NFATC2: variants seen among roughly 807,000 people sequenced by gnomAD.
The protein encoded by NFATC2 is nuclear factor of activated T-cells, cytoplasmic 2.
In NFATC2, 22 loss-of-function variants were observed where a neutral mutation model predicts 87.3. The observed-to-expected ratio is 0.25, with a 90% CI of 0.18 to 0.36. The LOEUF is 0.36. NFATC2 is among the 10% of genes least tolerant of loss of function. NFATC2 has a pLI of 1.00. For missense variants in NFATC2, 1,149 were observed against 1,259.1 expected (o/e 0.91, Z 1.32); for synonymous variants, 565 against 542.2 (o/e 1.04, Z -0.58).
chr20:51,538,784 C>G lies in NFATC2; in HGVS notation c.130+3586G>C, dbSNP rs535507086. ...TAACCTATTCAAGGCAGGTAACGGT[C>G]CTATGAGGCAAGTGGTATTATTTCA... On this transcript the variant is annotated intron_variant, in intron 1 of 10. Transcript: ENST00000371564. 2.6e-5 allele frequency among the ~76,000 whole-genome samples: 4 copies of G among 152,252 alleles called. No individual in the cohort carries two copies. The South Asian group carries it at 8.3e-4, about 32-fold the overall frequency.
chr20:51,548,079 T>C (rs940653213), intron 1 of NFATC2, among the ~76,000 whole-genome samples: 4 of 152,174 alleles, frequency 2.6e-5, no homozygotes, highest in African/African-American at 9.7e-5. Flanking sequence ...CTACGTAAGC[T>C]ACGTCCCACC....
intron 3 of NFATC2, among the ~76,000 whole-genome samples, chr20:51,497,895 G>T (rs1450835266): frequency 6.6e-6 from 1 of 152,030 alleles, no homozygotes; most frequent in Non-Finnish European, 1.5e-5. Flanking sequence ...GCCCCCGGGG[G>T]AACTCAGAGC....
At chr20:51,396,968 A>T (rs937760541) in intron 10 of NFATC2, among the ~76,000 whole-genome samples, 1 of 151,920 alleles carries the variant, frequency 6.6e-6, no homozygotes, top group African/African-American at 2.4e-5. Context: ...GCTGGAGTGC[A>T]GTGGCGCCAT....
At chr20:51,533,143 C>T (rs1301378056) in intron 1 of NFATC2, among the ~76,000 whole-genome samples, 1 of 152,238 alleles carries the variant, frequency 6.6e-6, no homozygotes, top group Non-Finnish European at 1.5e-5. Context: ...AGAGGCAAAC[C>T]TCGCCTCCTG....
intron 3 of NFATC2, among the ~76,000 whole-genome samples, chr20:51,503,455 G>A (rs2076123955): frequency 6.6e-6 from 1 of 152,218 alleles, no homozygotes; most frequent in African/African-American, 2.4e-5. Flanking sequence ...AACTCAGGCT[G>A]GAGGGCAAGG....
chr20:51,501,347 T>C (rs1009421416), intron 3 of NFATC2, among the ~76,000 whole-genome samples: 2 of 152,158 alleles, frequency 1.3e-5, no homozygotes, highest in African/African-American at 4.8e-5. Flanking sequence ...CTACATTCCA[T>C]GGTCTTATAA....
At chr20:51,487,498 T>TA (rs1989813510) in intron 3 of NFATC2, among the ~76,000 whole-genome samples, 1 of 152,012 alleles carries the variant, frequency 6.6e-6, no homozygotes, top group Non-Finnish European at 1.5e-5. Flanking sequence ...AAAATAAAAT[T>TA]AAATTAAAAA....
intron 6 of NFATC2, 92 bp downstream of exon 6, chr20:51,454,456 C>G (rs1291936601): frequency 7.1e-7 from 1 of 1,415,250 alleles, no homozygotes; most frequent in East Asian, 2.3e-5. Flanking sequence ...ACGGTGGGAT[C>G]TACCCCCCAA....
intron 1 of NFATC2, among the ~76,000 whole-genome samples, chr20:51,531,338 G>C (rs1196523384): frequency 6.6e-6 from 1 of 152,222 alleles, no homozygotes; most frequent in Non-Finnish European, 1.5e-5. Context: ...CTCAGCCCTG[G>C]CAGGTGACGC....
intron 1 of NFATC2, among the ~76,000 whole-genome samples, chr20:51,540,656 T>TG (rs1555818292): frequency 5.3e-5 from 7 of 132,030 alleles, no homozygotes; most frequent in Non-Finnish European, 1.1e-4. Context: ...AGTTTTTTTT[T>TG]TGTTTTTTTT....
intron 3 of NFATC2, among the ~76,000 whole-genome samples, chr20:51,497,356 G>A (rs977289421): frequency 1.3e-5 from 2 of 152,178 alleles, no homozygotes; most frequent in Non-Finnish European, 1.5e-5. Flanking sequence ...GAAGATGCAC[G>A]TGAGAACGAG....
At chr20:51,525,475 T>A (rs985076291) in intron 1 of NFATC2, among the ~76,000 whole-genome samples, 6 of 152,014 alleles carry the variant, frequency 3.9e-5, no homozygotes, top group African/African-American at 1.5e-4. Context: ...CCTGTACAGG[T>A]CCAGGCACGT....
chr20:51,440,147 G>A (rs1489360530), intron 6 of NFATC2, among the ~76,000 whole-genome samples: 1 of 148,070 alleles, frequency 6.8e-6, no homozygotes, highest in Admixed American at 6.9e-5. Flanking sequence ...TGAGGCAGGA[G>A]GATCTCTTGA....
At chr20:51,467,837 G>A (rs1987837977) in intron 5 of NFATC2, among the ~76,000 whole-genome samples, 1 of 152,170 alleles carries the variant, frequency 6.6e-6, no homozygotes, top group African/African-American at 2.4e-5. Context: ...AGAAATGAAA[G>A]CATTTGCTCA....
At chr20:51,559,841 T>G (rs956861842) in intron 1 of NFATC2, among the ~76,000 whole-genome samples, 46 of 152,228 alleles carry the variant, frequency 3.0e-4, no homozygotes, top group Non-Finnish European at 7.3e-5. Context: ...GTTTACTGCA[T>G]GTTAAGCACA....
intron 3 of NFATC2, among the ~76,000 whole-genome samples, chr20:51,477,568 T>TACAATATAAAAA (rs1988852101): frequency 1.1e-5 from 1 of 92,546 alleles, no homozygotes; most frequent in African/African-American, 4.6e-5. Context: ...TATATATATA[T>TACAATATAAAAA]ATATATATAT....
intron 3 of NFATC2, among the ~76,000 whole-genome samples, chr20:51,481,277 C>T (rs574561792): frequency 6.6e-6 from 1 of 151,950 alleles, no homozygotes; most frequent in Non-Finnish European, 1.5e-5. Context: ...CATGATCTAC[C>T]CTTCAGGTTC....
intron 1 of NFATC2, among the ~76,000 whole-genome samples, chr20:51,530,939 T>C (rs939652393): frequency 6.6e-6 from 1 of 152,202 alleles, no homozygotes; most frequent in African/African-American, 2.4e-5. Context: ...TAGAGGCAGA[T>C]AGGAGTCTTA....
At chr20:51,471,798 G>A (rs985631092) in intron 5 of NFATC2, among the ~76,000 whole-genome samples, 7 of 152,212 alleles carry the variant, frequency 4.6e-5, no homozygotes, top group African/African-American at 7.2e-5. Context: ...TTTTCTGACC[G>A]CAGAGCATTT....
Sources: allele counts gnomAD v4.1 joint callset (sites outside exome capture counted in the v4.1 genomes callset), GRCh38; gene constraint gnomAD v4.1.1; transcripts MANE v1.5; gene names NCBI Gene and HGNC (gene_info 2026-07-23, HGNC 2026-07-21).